The following CAMKMT variants were observed in gnomAD, a reference collection of about 807,000 sequenced individuals.
The protein encoded by CAMKMT is calmodulin-lysine N-methyltransferase.
A neutral mutation model predicts 48.0 loss-of-function variants in CAMKMT; 53 were observed. The observed-to-expected ratio is 1.10, with a 90% confidence interval of 0.89 to 1.39. CAMKMT has a LOEUF of 1.39. Among genes scored for constraint, CAMKMT ranks in the 40% most tolerant of loss-of-function variants. The pLI, the probability that CAMKMT is intolerant of heterozygous loss-of-function variation, is 0.00. For missense variants in CAMKMT, 428 were observed against 402.7 expected (o/e 1.06, Z -0.54); for synonymous variants, 165 against 152.3 (o/e 1.08, Z -0.61).
chr2:44,577,758 A>G (rs924262247), intron 3 of CAMKMT, among the ~76,000 whole-genome samples: 8 of 152,052 alleles, frequency 5.3e-5, no homozygotes, highest in African/African-American at 1.7e-4. Context: ...TCCCTTTACT[A>G]GAGCCAGGAA....
chr2:44,461,540 T>G (rs1292700474), intron 3 of CAMKMT, among the ~76,000 whole-genome samples: 1 of 152,194 alleles, frequency 6.6e-6, no homozygotes, highest in Non-Finnish European at 1.5e-5. Context: ...TGAAAATGTA[T>G]TGCTACTTTA....
chr2:44,506,500 G>T (rs1415630442), intron 3 of CAMKMT, among the ~76,000 whole-genome samples: 1 of 151,992 alleles, frequency 6.6e-6, no homozygotes, highest in Non-Finnish European at 1.5e-5. Context: ...ATAGTGGTTG[G>T]TTTTAGTCAA....
chr2:44,633,200 A>G (rs1330455937), intron 3 of CAMKMT, among the ~76,000 whole-genome samples: 3 of 152,172 alleles, frequency 2.0e-5, no homozygotes, highest in Admixed American at 6.6e-5. Flanking sequence ...AGTGGTGATT[A>G]TAAAAAAGAG....
At chr2:44,737,434 A>T (rs1679414670) in intron 7 of CAMKMT, among the ~76,000 whole-genome samples, 2 of 152,064 alleles carry the variant, frequency 1.3e-5, no homozygotes, top group Admixed American at 1.3e-4. Context: ...AAATAGTTTG[A>T]TATGTTTGGG....
chr2:44,470,248 A>T (rs950901309), intron 3 of CAMKMT, among the ~76,000 whole-genome samples: 1 of 152,130 alleles, frequency 6.6e-6, no homozygotes, highest in Non-Finnish European at 1.5e-5. Flanking sequence ...CATACTGTGA[A>T]GTTTCCTGGG....
chr2:44,712,395 G>A (rs1345268357), intron 6 of CAMKMT, among the ~76,000 whole-genome samples: 1 of 151,852 alleles, frequency 6.6e-6, no homozygotes, highest in Non-Finnish European at 1.5e-5. Context: ...TGCAGGAGGA[G>A]GCTGATATTT....
rs369560290 is a variant in CAMKMT at position 44,645,594 on chromosome 2, GC to G, written c.377-58688del. On this transcript the variant is annotated intron_variant, in intron 3 of 10. Transcript: ENST00000378494. The stretch of plus-strand genomic sequence containing the variant: ...CCAGCACTTTGGGAGGCCGAGGCAG[GC>G]AGATCACTTGAGGTCAGGAGTTCAA... Among the ~76,000 whole-genome samples the G allele has an allele frequency of 3.8e-3, 581 of 152,296 alleles. 6 individuals are homozygous for G. Among genetic ancestry groups the G allele is most frequent in the African/African-American group, 0.013 (550 of 41,560 alleles).
chr2:44,665,276 G>T (rs1323145288), intron 3 of CAMKMT, among the ~76,000 whole-genome samples: 1 of 152,070 alleles, frequency 6.6e-6, no homozygotes, highest in East Asian at 1.9e-4. Flanking sequence ...TCACCATGTT[G>T]GCCATGTTGG....
intron 1 of CAMKMT, among the ~76,000 whole-genome samples, chr2:44,371,374 C>G (rs1679166200): frequency 6.6e-6 from 1 of 152,196 alleles, no homozygotes; most frequent in African/African-American, 2.4e-5. Context: ...CTGCCTCAGC[C>G]TTCCAAAGTG....
At chr2:44,603,254 A>C (rs1671102941) in intron 3 of CAMKMT, among the ~76,000 whole-genome samples, 1 of 151,046 alleles carries the variant, frequency 6.6e-6, no homozygotes, top group African/African-American at 2.5e-5. Context: ...CACCTGGCTA[A>C]TATTTTGTAT....
chr2:44,600,029 A>G (rs1210934804), intron 3 of CAMKMT, among the ~76,000 whole-genome samples: 1 of 152,104 alleles, frequency 6.6e-6, no homozygotes, highest in African/African-American at 2.4e-5. Flanking sequence ...TTCTCATTCT[A>G]ACCTATCTTT....
At chr2:44,578,689 G>A (rs1048688183) in intron 3 of CAMKMT, among the ~76,000 whole-genome samples, 1 of 152,158 alleles carries the variant, frequency 6.6e-6, no homozygotes, top group Non-Finnish European at 1.5e-5. Flanking sequence ...GGGATGTGGT[G>A]TTAAGTTTGG....
chr2:44,388,442 C>G (rs1034140242), intron 2 of CAMKMT, among the ~76,000 whole-genome samples: 1 of 152,110 alleles, frequency 6.6e-6, no homozygotes, highest in Non-Finnish European at 1.5e-5. Context: ...TTGCATTGGG[C>G]TTTGCCTTTC....
chr2:44,460,868 G>A lies in CAMKMT; in HGVS notation c.376+70563G>A, dbSNP rs181743215. 8.5e-3 allele frequency among the ~76,000 whole-genome samples: 1,287 copies of A among 151,054 alleles called. 10 individuals are homozygous for A. Among genetic ancestry groups the A allele is most frequent in the South Asian group, 0.014 (67 of 4,802 alleles). ...CTCCCGAGTAGCTGAGATCACAGGC[G>A]CATACCACCACACCCAGCTAATTTT... On this transcript the variant is annotated intron_variant, in intron 3 of 10. Coordinates refer to ENST00000378494, the MANE Select transcript of CAMKMT (RefSeq NM_024766.5).
At chr2:44,369,347 A>T (rs1678934195) in intron 1 of CAMKMT, among the ~76,000 whole-genome samples, 1 of 152,218 alleles carries the variant, frequency 6.6e-6, no homozygotes, top group Admixed American at 6.5e-5. Context: ...TCATACTGAT[A>T]TATTTTCTTG....
chr2:44,596,547 T>C (rs570983687), intron 3 of CAMKMT, among the ~76,000 whole-genome samples: 1 of 152,164 alleles, frequency 6.6e-6, no homozygotes, highest in South Asian at 2.1e-4. Flanking sequence ...AATCCAGAAA[T>C]CTCTAACAAG....
chr2:44,661,310 C>T (rs1479050944), intron 3 of CAMKMT, among the ~76,000 whole-genome samples: 9 of 89,180 alleles, frequency 1.0e-4, no homozygotes, highest in Non-Finnish European at 1.2e-4. Context: ...TGTGAGCAGC[C>T]TTTTTTTTTT....
chr2:44,765,531 TA>T (rs34921648), intron 9 of CAMKMT, among the ~76,000 whole-genome samples: 185 of 132,122 alleles, frequency 1.4e-3, no homozygotes, highest in African/African-American at 1.7e-3. Flanking sequence ...TTTTTTTTTT[TA>T]AAAAAAAAAA....
chr2:44,490,212 TTTAA>T (rs1669421141), intron 3 of CAMKMT, among the ~76,000 whole-genome samples: 1 of 152,174 alleles, frequency 6.6e-6, no homozygotes, highest in South Asian at 2.1e-4. Context: ...TTCCAAAGTG[TTTAA>T]TTATATAATT....
Sources: gnomAD v4.1 joint callset for allele counts (sites outside exome capture counted in the v4.1 genomes callset) on GRCh38, gnomAD v4.1.1 for gene constraint, MANE v1.5 for transcripts, NCBI Gene and HGNC (gene_info 2026-07-23, HGNC 2026-07-21) for gene names.